EPS8: variants seen among roughly 807,000 people sequenced by gnomAD.
EPS8 encodes the protein EGFR pathway substrate 8, signaling adaptor, also known as epidermal growth factor receptor kinase substrate 8.
A neutral mutation model predicts 103.8 loss-of-function variants in EPS8; 42 were observed. That is an observed-to-expected ratio of 0.40 (90% CI 0.32 to 0.52). The LOEUF (loss-of-function observed/expected upper bound fraction) is 0.52. Ranked by LOEUF, EPS8 falls within the 20% of genes least tolerant of loss-of-function variation. EPS8 has a pLI of 0.40. For missense variants in EPS8, 969 were observed against 1,005.1 expected, an observed-to-expected ratio of 0.96 and a Z score of 0.49; for synonymous variants, 344 against 344.6, an observed-to-expected ratio of 1.00 and a Z score of 0.02.
At chr12:15,788,918 G>A (rs988688273) in intron 1 of EPS8, among the ~76,000 whole-genome samples, 1 of 151,884 alleles carries the variant, frequency 6.6e-6, no homozygotes, top group Non-Finnish European at 1.5e-5. Context: ...CAGCCTCCCG[G>A]AGCCCTGGGC....
chr12:15,708,973 T>G (rs1320568611), intron 1 of EPS8, among the ~76,000 whole-genome samples: 3 of 152,244 alleles, frequency 2.0e-5, no homozygotes, highest in African/African-American at 7.2e-5. Context: ...CAGCTTTCCC[T>G]GCTGGGGACA....
chr12:15,708,525 CAT>C (rs1296584790), intron 1 of EPS8, among the ~76,000 whole-genome samples: 3 of 152,104 alleles, frequency 2.0e-5, no homozygotes, highest in Admixed American at 6.5e-5. Context: ...TGGCTCATAA[CAT>C]GTGGCAAAGT....
chr12:15,663,976 T>TATAC (rs35142421), intron 8 of EPS8, among the ~76,000 whole-genome samples: 99 of 104,436 alleles, frequency 9.5e-4, no homozygotes, highest in Admixed American at 1.6e-3. Flanking sequence ...TATATATATA[T>TATAC]ACACACACAC....
rs952856071 is a variant in EPS8, at chr12:15,657,265, T to A, written c.1101+814A>T. ...GTCTGGAATTCTCTTCTTTCAGGGA[T>A]CCACATGACCCATTCCTTACTTCCT... On this transcript the variant is annotated intron_variant, in intron 12 of 20. Transcript: ENST00000281172. Among the ~76,000 whole-genome samples, 26 of 152,306 alleles carry A rather than the reference T, an allele frequency of 1.7e-4. 1 individual carries two copies. The East Asian group carries it at 4.6e-3, about 27-fold the overall frequency.
At chr12:15,630,456 C>T (rs1337922695) in intron 18 of EPS8, among the ~76,000 whole-genome samples, 1 of 152,168 alleles carries the variant, frequency 6.6e-6, no homozygotes, top group African/African-American at 2.4e-5. Flanking sequence ...CACTGCTATT[C>T]ACCAATAATA....
At chr12:15,756,730 G>A (rs966347649) in intron 1 of EPS8, among the ~76,000 whole-genome samples, 2 of 151,984 alleles carry the variant, frequency 1.3e-5, no homozygotes, top group African/African-American at 2.4e-5. Flanking sequence ...TCTTATTTAC[G>A]TAGGAAGAAA....
In EPS8 at chr12:15,682,877, A is replaced by ATGTTT. The variant is rs1946032851; in HGVS notation, c.59+15_59+16insAAACA. 1 of 1,336,708 alleles carries ATGTTT rather than the reference A, an allele frequency of 7.5e-7. No homozygotes were observed. The highest frequency in any genetic ancestry group is 1.9e-5 in the Admixed American group (1 of 53,146). The allele number at this position is 1,336,708 out of a possible 1,614,324, so 82.8% of individuals were successfully genotyped here. On this transcript the variant is annotated intron_variant, in intron 2 of 20. Transcript: ENST00000281172. ...AATTCCCCCAAAACATATTAAATAT[A>ATGTTT]AACTTTTCAACTTACTTCATCTGAG...
In EPS8 at chr12:15,769,280, T is replaced by C. The variant is rs1428447408; in HGVS notation, c.-22+19881A>G. Among the ~76,000 whole-genome samples the C allele has an allele frequency of 6.6e-6, 1 of 152,232 alleles. No individual in the cohort carries two copies. Among genetic ancestry groups the C allele is most frequent in the East Asian group, 1.9e-4 (1 of 5,206 alleles). ...GAGATACAATCAGGCAAATATTATATGTCATTCTTTCATTATTAACATAAA... is the reference window on the plus strand; with the variant it reads ...GAGATACAATCAGGCAAATATTATACGTCATTCTTTCATTATTAACATAAA... On this transcript the variant is annotated intron_variant, in intron 1 of 20. Coordinates refer to ENST00000281172, the MANE Select transcript of EPS8 (RefSeq NM_004447.6). This position sits in a 1 kb window ranked among gnomAD's most constrained non-coding sequence, Gnocchi z 4.6.
At chr12:15,642,250 T>C (rs1260002353) in intron 15 of EPS8, among the ~76,000 whole-genome samples, 1 of 152,076 alleles carries the variant, frequency 6.6e-6, no homozygotes, top group South Asian at 2.1e-4. Context: ...TATATGTTGA[T>C]TTCACTAATT....
In EPS8 at chr12:15,748,303, T is replaced by C. The variant is rs1442071649; in HGVS notation, c.-22+40858A>G. Among the ~76,000 whole-genome samples the C allele has an allele frequency of 6.6e-6, 1 of 152,234 alleles. No individual in the cohort carries two copies. The highest frequency in any genetic ancestry group is 6.5e-5 in the Admixed American group (1 of 15,284). ...AAATATCAATTAAAATATTATGAAG[T>C]AATATTCTTAAGTCAAATGCTCACC... On this transcript the variant is annotated intron_variant, in intron 1 of 20. Coordinates refer to ENST00000281172, the MANE Select transcript of EPS8 (RefSeq NM_004447.6). This position sits in a 1 kb window ranked among gnomAD's most constrained non-coding sequence, Gnocchi z 4.8.
intron 1 of EPS8, among the ~76,000 whole-genome samples, chr12:15,722,125 T>C (rs1233906846): frequency 6.6e-6 from 1 of 151,526 alleles, no homozygotes; most frequent in Non-Finnish European, 1.5e-5. Flanking sequence ...TTGGCTTCCC[T>C]GGGCTACAAT....
chr12:15,726,724 C>T (rs1946657474), intron 1 of EPS8, among the ~76,000 whole-genome samples: 1 of 152,086 alleles, frequency 6.6e-6, no homozygotes, highest in Admixed American at 6.5e-5. Flanking sequence ...TTGGTCTGAG[C>T]TGGTAATTAG....
intron 1 of EPS8, among the ~76,000 whole-genome samples, chr12:15,710,270 C>T (rs923781871): frequency 2.6e-5 from 4 of 152,082 alleles, no homozygotes; most frequent in Non-Finnish European, 5.9e-5. Context: ...AGAGTTGTTA[C>T]CAGAGCATTA....
intron 1 of EPS8, among the ~76,000 whole-genome samples, chr12:15,720,260 T>A (rs886585062): frequency 1.3e-5 from 2 of 152,190 alleles, no homozygotes; most frequent in African/African-American, 4.8e-5. Context: ...GTTTTCTAAG[T>A]AATTCAAATA....
chr12:15,722,196 C>CA lies in EPS8; in HGVS notation c.-21-39225dup, dbSNP rs57036768. 1.6e-3 allele frequency among the ~76,000 whole-genome samples: 192 copies of CA among 121,762 alleles called. 1 individual carries two copies. The highest frequency in any genetic ancestry group is 2.5e-3 in the South Asian group (9 of 3,666). 79.9% of individuals were successfully genotyped at this position (121,762 alleles called of 152,430 possible). On this transcript the variant is annotated intron_variant, in intron 1 of 20. Coordinates refer to ENST00000281172, the MANE Select transcript of EPS8 (RefSeq NM_004447.6). ...TACACTAACGATAGCTGATGAGGTACAAAAAAAAAAACGCAAGAAAAAGTC... is the reference window on the plus strand; with the variant it reads ...TACACTAACGATAGCTGATGAGGTACAAAAAAAAAAAACGCAAGAAAAAGTC...
In EPS8 at chr12:15,669,888, T is replaced by C. The variant is rs555924976; in HGVS notation, c.205-63A>G. The C allele has an allele frequency of 3.1e-6, 4 of 1,276,542 alleles. No homozygotes were observed. The Admixed American group carries it at 8.0e-5, about 26-fold the overall frequency. The allele number at this position is 1,276,542 out of a possible 1,614,324, so 79.1% of individuals were successfully genotyped here. A position where few individuals can be genotyped will look rare whatever the true frequency, so the allele number is the denominator to read the frequency against. On this transcript the variant is annotated intron_variant, in intron 4 of 20. Coordinates refer to ENST00000281172, the MANE Select transcript of EPS8 (RefSeq NM_004447.6). ...TACAAACACATACAACCTCTTAGTA[T>C]ACATTTTCCAAAAGAAAATCAAATA...
intron 1 of EPS8, among the ~76,000 whole-genome samples, chr12:15,753,012 G>A (rs1017945344): frequency 6.6e-6 from 1 of 151,556 alleles, no homozygotes. Flanking sequence ...TTAAAGAAAT[G>A]TGACTCAGGC....
At chr12:15,719,393 C>A (rs1051316926) in intron 1 of EPS8, among the ~76,000 whole-genome samples, 1 of 152,004 alleles carries the variant, frequency 6.6e-6, no homozygotes, top group Admixed American at 6.6e-5. Flanking sequence ...AAAGTAAAAC[C>A]TGCAATTAAA....
chr12:15,724,792 G>A (rs1185111191), intron 1 of EPS8, among the ~76,000 whole-genome samples: 3 of 152,086 alleles, frequency 2.0e-5, no homozygotes, highest in African/African-American at 7.2e-5. Context: ...TGTAAGACAT[G>A]CCTTTCACCT....
Sources: gnomAD v4.1 joint callset for allele counts (sites outside exome capture counted in the v4.1 genomes callset) on GRCh38, gnomAD v4.1.1 for gene constraint, Gnocchi (gnomAD v3.1) non-coding constraint, MANE v1.5 for transcripts, NCBI Gene and HGNC (gene_info 2026-07-23, HGNC 2026-07-21) for gene names.